VAT1L: variants seen among roughly 807,000 people sequenced by gnomAD.
VAT1L encodes the protein vesicle amine transport 1 like.
In VAT1L, 34 loss-of-function variants were observed where a neutral mutation model predicts 44.1. The observed-to-expected ratio is 0.77, with a 90% confidence interval of 0.59 to 1.03. The LOEUF (loss-of-function observed/expected upper bound fraction) is 1.03, where lower values mean the gene tolerates loss of function less well. Ranked by LOEUF, VAT1L falls within the 50% of genes least tolerant of loss-of-function variation. VAT1L has a pLI of 0.00. For missense variants in VAT1L, 615 were observed against 538.8 expected, an observed-to-expected ratio of 1.14 and a Z score of -1.40; for synonymous variants, 253 against 202.2, an observed-to-expected ratio of 1.25 and a Z score of -2.13.
At chr16:77,951,353 C>G (rs2018040136) in intron 7 of VAT1L, among the ~76,000 whole-genome samples, 1 of 151,112 alleles carries the variant, frequency 6.6e-6, no homozygotes, top group African/African-American at 2.4e-5. Context: ...TGGGACCAGC[C>G]TGGGCAATAT....
At chr16:77,857,405 A>T (rs972952337) in intron 3 of VAT1L, among the ~76,000 whole-genome samples, 1 of 152,182 alleles carries the variant, frequency 6.6e-6, no homozygotes, top group Non-Finnish European at 1.5e-5. Flanking sequence ...ATGTGTGGGA[A>T]GGCACTTTTC....
intron 7 of VAT1L, among the ~76,000 whole-genome samples, chr16:77,942,734 T>C (rs2017904019): frequency 6.6e-6 from 1 of 151,740 alleles, no homozygotes; most frequent in Non-Finnish European, 1.5e-5. Flanking sequence ...TTGTTGTTGT[T>C]GTTTTTTGTT....
At chr16:77,872,387 C>G (rs759316850) in intron 4 of VAT1L, among the ~76,000 whole-genome samples, 5 of 152,148 alleles carry the variant, frequency 3.3e-5, no homozygotes, top group Non-Finnish European at 5.9e-5. Flanking sequence ...ATACTATTCT[C>G]TGAGAAGTGC....
At chr16:77,972,620 A>C (rs942853856) in intron 8 of VAT1L, among the ~76,000 whole-genome samples, 2 of 151,934 alleles carry the variant, frequency 1.3e-5, no homozygotes, top group African/African-American at 4.8e-5. Flanking sequence ...GTCTCTACTA[A>C]AAATACAAAA....
intron 7 of VAT1L, among the ~76,000 whole-genome samples, chr16:77,930,344 C>G (rs1422053049): frequency 2.0e-5 from 3 of 152,158 alleles, no homozygotes; most frequent in African/African-American, 7.2e-5. Flanking sequence ...CATGGCTTAG[C>G]TGTTTCCAAA....
intron 1 of VAT1L, among the ~76,000 whole-genome samples, chr16:77,798,805 T>C (rs1257820828): frequency 6.6e-6 from 1 of 152,182 alleles, no homozygotes; most frequent in Non-Finnish European, 1.5e-5. Context: ...CAAAATACAC[T>C]GTGCTTCTAC....
At chr16:77,877,959 C>A (rs1000654393) in intron 5 of VAT1L, among the ~76,000 whole-genome samples, 1 of 152,174 alleles carries the variant, frequency 6.6e-6, no homozygotes, top group African/African-American at 2.4e-5. Flanking sequence ...TCGGATATGA[C>A]TAACATGTGA....
At chr16:77,869,074 T>C (rs1051825688) in intron 4 of VAT1L, among the ~76,000 whole-genome samples, 2 of 151,870 alleles carry the variant, frequency 1.3e-5, no homozygotes, top group Non-Finnish European at 2.9e-5. Flanking sequence ...AAAAAAATGA[T>C]CTGGCTGCCA....
chr16:77,933,770 A>G (rs573329931), intron 7 of VAT1L, among the ~76,000 whole-genome samples: 3 of 152,340 alleles, frequency 2.0e-5, no homozygotes, highest in African/African-American at 4.8e-5. Context: ...AACAACAACA[A>G]TAAGGCAAAT....
intron 7 of VAT1L, among the ~76,000 whole-genome samples, chr16:77,909,681 C>A (rs1477185224): frequency 1.3e-5 from 2 of 149,602 alleles, no homozygotes; most frequent in Non-Finnish European, 3.0e-5. Context: ...CTACTGAGTG[C>A]TGAGCACTCT....
intron 3 of VAT1L, among the ~76,000 whole-genome samples, chr16:77,829,869 AC>A (rs2016560597): frequency 1.3e-5 from 2 of 152,072 alleles, no homozygotes; most frequent in South Asian, 4.1e-4. Flanking sequence ...GAGTCCTCTT[AC>A]CTTTATCATC....
At chr16:77,826,939 A>C (rs1332218976) in intron 3 of VAT1L, among the ~76,000 whole-genome samples, 2 of 152,178 alleles carry the variant, frequency 1.3e-5, no homozygotes, top group Non-Finnish European at 2.9e-5. Context: ...CATACCGTTG[A>C]TTTTAAAAAA....
At chr16:77,792,429 GC>G (rs2015851767) in intron 1 of VAT1L, among the ~76,000 whole-genome samples, 1 of 152,074 alleles carries the variant, frequency 6.6e-6, no homozygotes, top group African/African-American at 2.4e-5. Context: ...TTGAAAGTGT[GC>G]TTTTAGAACT....
chr16:77,870,584 A>G (rs943720995), intron 4 of VAT1L, among the ~76,000 whole-genome samples: 1 of 152,236 alleles, frequency 6.6e-6, no homozygotes, highest in Admixed American at 6.5e-5. Flanking sequence ...AAGGACAGAC[A>G]TGAAGGTCTT....
chr16:77,939,953 C>A (rs1390142900), intron 7 of VAT1L, among the ~76,000 whole-genome samples: 1 of 152,172 alleles, frequency 6.6e-6, no homozygotes, highest in African/African-American at 2.4e-5. Flanking sequence ...TAGTTTCTAT[C>A]ACTCTTCTTT....
At chr16:77,936,690 A>G (rs1162289424) in intron 7 of VAT1L, among the ~76,000 whole-genome samples, 1 of 152,200 alleles carries the variant, frequency 6.6e-6, no homozygotes, top group Non-Finnish European at 1.5e-5. Context: ...CCACACAGGA[A>G]GAGGAGGGGC....
At chr16:77,863,181 A>G (rs899919386) in intron 4 of VAT1L, among the ~76,000 whole-genome samples, 1 of 152,206 alleles carries the variant, frequency 6.6e-6, no homozygotes, top group African/African-American at 2.4e-5. Context: ...TCATTCATTC[A>G]CATGATAGCT....
At chr16:77,855,904 G>T (rs2016853828) in intron 3 of VAT1L, among the ~76,000 whole-genome samples, 1 of 152,194 alleles carries the variant, frequency 6.6e-6, no homozygotes, top group African/African-American at 2.4e-5. Context: ...TGTAGTCCCA[G>T]CTGCTTGGGA....
intron 7 of VAT1L, among the ~76,000 whole-genome samples, chr16:77,909,116 C>T (rs1449190485): frequency 6.6e-6 from 1 of 152,122 alleles, no homozygotes; most frequent in Admixed American, 6.5e-5. Context: ...TTAATCCTCA[C>T]AATAACCATG....
Sources: gnomAD v4.1 joint callset for allele counts (sites outside exome capture counted in the v4.1 genomes callset) on GRCh38, gnomAD v4.1.1 for gene constraint, MANE v1.5 for transcripts, NCBI Gene and HGNC (gene_info 2026-07-23, HGNC 2026-07-21) for gene names.